The following ERAP1 variants were observed in gnomAD, a reference collection of about 807,000 sequenced individuals.
The protein encoded by ERAP1 is endoplasmic reticulum aminopeptidase 1, also known as adipocyte-derived leucine aminopeptidase.
ERAP1 carries 86 observed loss-of-function variants against 103.7 expected under a neutral mutation model. The ratio of observed to expected loss-of-function variants is 0.83; its 90% CI spans 0.70 to 0.99. The LOEUF (loss-of-function observed/expected upper bound fraction) is 0.99. Ranked by LOEUF, ERAP1 falls within the 50% of genes least tolerant of loss-of-function variation. The probability of loss-of-function intolerance (pLI) is 0.00; values close to 1 mark genes in which losing one functional copy is unlikely to be tolerated. For synonymous variants in ERAP1, 398 were observed against 402.4 expected (o/e 0.99, Z 0.13); for missense variants, 1,009 against 1,128.4 (o/e 0.89, Z 1.52).
the ERAP1 span, among the ~76,000 whole-genome samples, chr5:96,851,188 C>G: frequency 6.6e-6 from 1 of 152,126 alleles, no homozygotes; most frequent in Non-Finnish European, 1.5e-5. Flanking sequence ...ATTAAATTAA[C>G]TTTTCTTTTA....
At chr5:96,895,205 A>G in the ERAP1 span, 7 of 1,223,734 alleles carry the variant, frequency 5.7e-6, no homozygotes, top group Middle Eastern at 1.9e-4. Context: ...AATAATTTTT[A>G]TTTGTTTAAC....
At chr5:96,839,882 G>A in the ERAP1 span, among the ~76,000 whole-genome samples, 1 of 152,132 alleles carries the variant, frequency 6.6e-6, no homozygotes, top group African/African-American at 2.4e-5. Context: ...CCTCATCTGA[G>A]TTCCCAGAAT....
chr5:96,774,773 T>TACA lies in ERAP1; in HGVS notation c.*1620_*1622dup, dbSNP rs1773754331. Reference sequence around the variant, plus strand: ...TTTCTATTTTTATTAAACCATTCACTACAACAAATAAGTATAAAAATTCCA... The same window carrying TACA: ...TTTCTATTTTTATTAAACCATTCACTACAACAACAAATAAGTATAAAAATTCCA... On this transcript the variant is annotated 3_prime_UTR_variant, in exon 19 of 19. Transcript: ENST00000443439. 4.1e-6 allele frequency: 4 copies of TACA among 984,354 alleles called. No individual in the cohort carries two copies. Among genetic ancestry groups the TACA allele is most frequent in the Non-Finnish European group, 4.8e-6 (4 of 828,806 alleles). The allele number at this position is 984,354 out of a possible 1,614,324, so 61.0% of individuals were successfully genotyped here.
In ERAP1 at chr5:96,781,782, A is replaced by G. The variant is rs777311512; in HGVS notation, c.2358T>C (p.Tyr786=). The G allele has an allele frequency of 6.2e-7, 1 of 1,614,180 alleles. No homozygotes were observed. ...AQSTEGWDFL[Y]SKYQFSLSST... is the part of the protein sequence containing the mutation. ...TGGACAAAGAAAACTGATATTTACTATAAAGAAAATCCCAGCCTTCTGTGC... is the reference window on the plus strand; with the variant it reads ...TGGACAAAGAAAACTGATATTTACTGTAAAGAAAATCCCAGCCTTCTGTGC... The change falls in exon 16 of 19, where the codon TAT becomes TAC. Residue 786 remains tyrosine, a synonymous_variant. Coordinates refer to ENST00000443439, the MANE Select transcript of ERAP1 (RefSeq NM_001040458.3).
At chr5:96,933,267 G>C in the ERAP1 span, among the ~76,000 whole-genome samples, 1 of 139,202 alleles carries the variant, frequency 7.2e-6, no homozygotes, top group Non-Finnish European at 1.5e-5. Context: ...GCCCAGGCTG[G>C]AGTGCAGTGG....
the ERAP1 span, chr5:96,879,898 T>C: frequency 6.2e-7 from 1 of 1,614,166 alleles, no homozygotes; most frequent in Non-Finnish European, 8.5e-7. Context: ...GGCTCCCCAG[T>C]GTGGTCATTC....
the ERAP1 span, among the ~76,000 whole-genome samples, chr5:96,911,238 T>A: frequency 6.6e-6 from 1 of 152,180 alleles, no homozygotes; most frequent in Non-Finnish European, 1.5e-5. Flanking sequence ...AAATAAGAGG[T>A]ATGGAGACTA....
At chr5:96,883,636 T>C in the ERAP1 span, among the ~76,000 whole-genome samples, 1 of 152,210 alleles carries the variant, frequency 6.6e-6, no homozygotes, top group African/African-American at 2.4e-5. Flanking sequence ...TTTACCTTCA[T>C]TTTCCTCAAA....
chr5:96,765,090 T>TGCCCCA (rs1394574592), intron 19 of ERAP1: 4 of 668,358 alleles, frequency 6.0e-6, no homozygotes, highest in Admixed American at 2.4e-5. Flanking sequence ...TCTACTCCCC[T>TGCCCCA]GCCCCAGCCC....
At chr5:96,812,572 T>G (rs1779212905), upstream of ERAP1, among the ~76,000 whole-genome samples, 1 of 152,338 alleles carries the variant, frequency 6.6e-6, no homozygotes, top group East Asian at 1.9e-4. Flanking sequence ...TTGTTATTTT[T>G]TGAGGGACCA....
chr5:96,850,242 C>T, the ERAP1 span, among the ~76,000 whole-genome samples: 6 of 152,192 alleles, frequency 3.9e-5, no homozygotes, highest in Non-Finnish European at 7.4e-5. Flanking sequence ...AATAGGCAAG[C>T]GGGATTGCAT....
At chr5:96,902,005 G>C in the ERAP1 span, among the ~76,000 whole-genome samples, 1 of 152,152 alleles carries the variant, frequency 6.6e-6, no homozygotes, top group Non-Finnish European at 1.5e-5. Flanking sequence ...AAATTGTTAT[G>C]GTATGAGATT....
chr5:96,814,909 G>A, the ERAP1 span, among the ~76,000 whole-genome samples: 1 of 152,188 alleles, frequency 6.6e-6, no homozygotes, highest in African/African-American at 2.4e-5. Context: ...ATTATAAACT[G>A]AGCAGCCACA....
the ERAP1 span, chr5:96,822,879 C>T: frequency 2.7e-5 from 9 of 327,520 alleles, no homozygotes; most frequent in South Asian, 1.4e-4. Flanking sequence ...TTATATGGGT[C>T]GTCTCCTTAG....
the ERAP1 span, among the ~76,000 whole-genome samples, chr5:96,815,997 T>C: frequency 1.3e-5 from 2 of 152,150 alleles, no homozygotes; most frequent in African/African-American, 4.8e-5. Flanking sequence ...TTTGGGAATT[T>C]AGGGGAATAA....
chr5:96,803,605 T>G lies in ERAP1; in HGVS notation c.322A>C (p.Arg108=). 2.5e-6 allele frequency: 4 copies of G among 1,614,196 alleles called. No individual in the cohort carries two copies. The highest frequency in any genetic ancestry group is 3.4e-6 in the Non-Finnish European group (4 of 1,180,028). Reference sequence around the variant, plus strand: ...GATAGCCTCTCTCCAGCTCCCTTCCTGAGGGTGGCCCTAGATATCTGCAGG... The same window carrying G: ...GATAGCCTCTCTCCAGCTCCCTTCCGGAGGGTGGCCCTAGATATCTGCAGG... The part of the protein sequence containing the change: ...HHLQISRATL[R]KGAGERLSEE... The change falls in exon 2 of 19, where the codon AGG becomes CGG. Residue 108 remains arginine, a synonymous_variant. Coordinates refer to ENST00000443439, the MANE Select transcript of ERAP1 (RefSeq NM_001040458.3).
intron 19 of ERAP1, chr5:96,766,049 A>T: frequency 6.4e-7 from 1 of 1,550,626 alleles, no homozygotes; most frequent in Non-Finnish European, 8.9e-7. Flanking sequence ...CACTGTTGAT[A>T]TAGGAAAAAG....
At chr5:96,781,558 G>C (rs1437623773) in intron 16 of ERAP1, 135 bp downstream of exon 16, 1 of 1,128,594 alleles carries the variant, frequency 8.9e-7, no homozygotes, top group African/African-American at 1.5e-5. Flanking sequence ...TTTCTCATTA[G>C]ATGTGTGCTG....
the ERAP1 span, among the ~76,000 whole-genome samples, chr5:96,907,101 G>T: frequency 6.6e-6 from 1 of 152,132 alleles, no homozygotes; most frequent in Non-Finnish European, 1.5e-5. Context: ...ATTTCTCAAA[G>T]GTACAATCTA....
Sources: allele counts gnomAD v4.1 joint callset (sites outside exome capture counted in the v4.1 genomes callset), GRCh38; gene constraint gnomAD v4.1.1; transcripts MANE v1.5; gene names NCBI Gene and HGNC (gene_info 2026-07-23, HGNC 2026-07-21).